WWOX: variants seen among roughly 807,000 people sequenced by gnomAD.
WWOX encodes the protein WW domain-containing oxidoreductase.
Under a neutral mutation model 46.2 loss-of-function variants are expected in WWOX, and 69 were observed. The ratio of observed to expected loss-of-function variants is 1.49; its 90% confidence interval spans 1.23 to 1.82. The LOEUF (loss-of-function observed/expected upper bound fraction) is 1.82. Ranked by LOEUF, WWOX falls within the 40% of genes most tolerant of loss-of-function variation. The pLI is 0.00. For synonymous variants in WWOX, 359 were observed against 202.6 expected (o/e 1.77, Z -6.56); for missense variants, 919 against 542.6 (o/e 1.69, Z -6.89).
At chr16:79,068,226 T>G (rs75488374) in intron 8 of WWOX, among the ~76,000 whole-genome samples, 2 of 152,328 alleles carry the variant, frequency 1.3e-5, no homozygotes, top group African/African-American at 4.8e-5. Flanking sequence ...CGGTAACTAA[T>G]GATGTTTATG....
At chr16:78,300,650 AT>A (rs1390331267) in intron 5 of WWOX, among the ~76,000 whole-genome samples, 8 of 152,026 alleles carry the variant, frequency 5.3e-5, no homozygotes, top group African/African-American at 1.9e-4. Flanking sequence ...GAAATGATTC[AT>A]TACTTTATGA....
intron 8 of WWOX, among the ~76,000 whole-genome samples, chr16:78,770,285 C>T (rs550637790): frequency 2.6e-5 from 4 of 151,908 alleles, no homozygotes; most frequent in Non-Finnish European, 4.4e-5. Context: ...CGGGAGCCAG[C>T]GGTTGCAGTG....
At chr16:78,615,172 G>T (rs1041085753) in intron 8 of WWOX, among the ~76,000 whole-genome samples, 1 of 152,108 alleles carries the variant, frequency 6.6e-6, no homozygotes, top group Non-Finnish European at 1.5e-5. Context: ...TTTTTTAGAG[G>T]TTGTAAGCTA....
chr16:78,302,754 C>T (rs917286297), intron 5 of WWOX, among the ~76,000 whole-genome samples: 2 of 152,186 alleles, frequency 1.3e-5, no homozygotes, highest in African/African-American at 4.8e-5. Flanking sequence ...AGACACTGTA[C>T]ACATTTAAGT....
At chr16:79,193,485 A>C (rs909688152) in intron 8 of WWOX, among the ~76,000 whole-genome samples, 6 of 152,340 alleles carry the variant, frequency 3.9e-5, no homozygotes, top group East Asian at 3.9e-4. Context: ...CTTGCGTCAC[A>C]GAGATGCCTT....
intron 8 of WWOX, among the ~76,000 whole-genome samples, chr16:78,618,285 C>T (rs2046079722): frequency 6.6e-6 from 1 of 152,202 alleles, no homozygotes; most frequent in African/African-American, 2.4e-5. Flanking sequence ...TTTGCTTGGG[C>T]TGCTGTAGAA....
intron 8 of WWOX, among the ~76,000 whole-genome samples, chr16:78,512,985 C>T (rs1402367761): frequency 6.6e-6 from 1 of 152,148 alleles, no homozygotes; most frequent in Non-Finnish European, 1.5e-5. Context: ...ACAGCTGCTG[C>T]TTTGCACATT....
intron 5 of WWOX, among the ~76,000 whole-genome samples, chr16:78,357,481 C>T (rs12598990): frequency 0.11 from 16,009 of 152,214 alleles, 1,252 homozygotes; most frequent in East Asian, 0.3. Flanking sequence ...TCCCTTCAAT[C>T]TGTAACCTTC....
At chr16:78,810,712 A>G (rs1200979884) in intron 8 of WWOX, among the ~76,000 whole-genome samples, 2 of 152,210 alleles carry the variant, frequency 1.3e-5, no homozygotes, top group Admixed American at 6.5e-5. Flanking sequence ...AGGGTGGAAG[A>G]AGGTGGGAAT....
At position 78,505,786 on chromosome 16, in the gene WWOX, C is replaced by T. The variant is rs554569922; in HGVS notation, c.1056+73034C>T. Among the ~76,000 whole-genome samples the T allele has an allele frequency of 1.2e-4, 18 of 152,060 alleles. No individual in the cohort carries two copies. In the South Asian group the frequency reaches 3.7e-3, roughly 32 times the overall value. ...GCCAGGAAGAGGCAACTAGTTCCAG[C>T]TGGCCCACATACTACACTTTAAAAA... On this transcript the variant is annotated intron_variant, in intron 8 of 8. Transcript: ENST00000566780.
intron 8 of WWOX, among the ~76,000 whole-genome samples, chr16:78,666,022 T>C (rs183213880): frequency 9.4e-4 from 143 of 151,746 alleles, no homozygotes; most frequent in African/African-American, 3.3e-3. Context: ...CAGTGGCTCA[T>C]GCCTGTAATC....
At chr16:78,522,281 T>G (rs1424020092) in intron 8 of WWOX, among the ~76,000 whole-genome samples, 1 of 151,200 alleles carries the variant, frequency 6.6e-6, no homozygotes, top group African/African-American at 2.4e-5. Flanking sequence ...AAAAAAAAAC[T>G]AGTGAAATCA....
chr16:79,163,119 G>A (rs2050519528), intron 8 of WWOX, among the ~76,000 whole-genome samples: 1 of 152,204 alleles, frequency 6.6e-6, no homozygotes, highest in South Asian at 2.1e-4. Context: ...GTGTGCAGGA[G>A]ATGGCTCATT....
In WWOX at chr16:78,702,007, T is replaced by TTATATATATATATA. The variant is rs869227421; in HGVS notation, c.1056+269280_1056+269293dup. Among the ~76,000 whole-genome samples the TTATATATATATATA allele has an allele frequency of 5.4e-3, 312 of 57,572 alleles. 3 individuals are homozygous for TTATATATATATATA. The highest frequency in any genetic ancestry group is 6.0e-3 in the Non-Finnish European group (192 of 31,864). The allele number at this position is 57,572 out of a possible 152,430, so 37.8% of individuals were successfully genotyped here. On this transcript the variant is annotated intron_variant, in intron 8 of 8. Coordinates refer to ENST00000566780, the MANE Select transcript of WWOX (RefSeq NM_016373.4). ...GGAGACTAGCCTGGGCTACATAAAA[T>TTATATATATATATA]TATATATATATATATATATATATAT...
intron 8 of WWOX, among the ~76,000 whole-genome samples, chr16:78,965,394 C>A (rs1365059262): frequency 6.6e-6 from 1 of 151,940 alleles, no homozygotes; most frequent in Non-Finnish European, 1.5e-5. Context: ...CATGGTGAAA[C>A]CCCATCTGTA....
chr16:78,579,173 G>A (rs901042401), intron 8 of WWOX, among the ~76,000 whole-genome samples: 8 of 152,122 alleles, frequency 5.3e-5, no homozygotes, highest in African/African-American at 1.9e-4. Context: ...GCAATAATTA[G>A]GAAGTCCCTA....
At chr16:78,782,292 G>C (rs1467627931) in intron 8 of WWOX, among the ~76,000 whole-genome samples, 1 of 152,118 alleles carries the variant, frequency 6.6e-6, no homozygotes, top group African/African-American at 2.4e-5. Flanking sequence ...AGCTGCACGA[G>C]CTTTTTCAAG....
chr16:78,246,073 T>C (rs1022376264), intron 5 of WWOX, among the ~76,000 whole-genome samples: 2 of 152,200 alleles, frequency 1.3e-5, no homozygotes, highest in Non-Finnish European at 2.9e-5. Context: ...CCTCATTCTT[T>C]TTTGCAGATC....
intron 5 of WWOX, among the ~76,000 whole-genome samples, chr16:78,197,941 C>A (rs924800301): frequency 2.0e-5 from 3 of 151,960 alleles, no homozygotes; most frequent in African/African-American, 7.3e-5. Context: ...GGTAGTTTTT[C>A]TTTTATTTTT....
Sources: allele counts gnomAD v4.1 joint callset (sites outside exome capture counted in the v4.1 genomes callset), GRCh38; gene constraint gnomAD v4.1.1; transcripts MANE v1.5; gene names NCBI Gene and HGNC (gene_info 2026-07-23, HGNC 2026-07-21).